Variants in PCDH15 observed in about 807,000 individuals in gnomAD.
The protein encoded by PCDH15 is protocadherin related 15.
PCDH15 carries 129 observed loss-of-function variants against 178.5 expected under a neutral mutation model. The ratio of observed to expected loss-of-function variants is 0.72; its 90% CI spans 0.63 to 0.84. PCDH15 has a LOEUF of 0.84. Among genes scored for constraint, PCDH15 ranks in the 40% least tolerant of loss-of-function variants. The probability of loss-of-function intolerance (pLI) is 0.00; values close to 1 mark genes in which losing one functional copy is unlikely to be tolerated. For missense variants in PCDH15, 2,230 were observed against 2,099.9 expected, an observed-to-expected ratio of 1.06 and a Z score of -1.21; for synonymous variants, 800 against 732.0, an observed-to-expected ratio of 1.09 and a Z score of -1.50.
chr10:54,205,480 T>TG (rs1264053484), intron 10 of PCDH15, among the ~76,000 whole-genome samples: 20 of 137,558 alleles, frequency 1.5e-4, no homozygotes, highest in South Asian at 7.1e-4. Context: ...TTATATTTCC[T>TG]TTGTGTGTGT....
At chr10:55,229,186 T>C (rs974271869) in intron 1 of PCDH15, among the ~76,000 whole-genome samples, 6 of 151,810 alleles carry the variant, frequency 4.0e-5, no homozygotes, top group Non-Finnish European at 5.9e-5. Flanking sequence ...TTTTATAGTA[T>C]GGGATAAGCA....
chr10:54,769,724 G>T (rs1442490149), intron 1 of PCDH15, among the ~76,000 whole-genome samples: 2 of 152,018 alleles, frequency 1.3e-5, no homozygotes, highest in Non-Finnish European at 2.9e-5. Context: ...GTGCCTGAGG[G>T]TCAGCAGTCC....
intron 3 of PCDH15, among the ~76,000 whole-genome samples, chr10:54,394,628 G>A (rs1308801695): frequency 6.6e-6 from 1 of 152,096 alleles, no homozygotes; most frequent in East Asian, 1.9e-4. Flanking sequence ...TGAAGTTTCG[G>A]GCACCATTGT....
At chr10:54,703,243 C>T (rs117128680) in intron 1 of PCDH15, among the ~76,000 whole-genome samples, 1,576 of 151,904 alleles carry the variant, frequency 0.01, 27 homozygotes, top group East Asian at 0.054. Context: ...TAGTAAGAGC[C>T]GTCTATGACA....
intron 2 of PCDH15, among the ~76,000 whole-genome samples, chr10:55,037,157 T>C (rs1336339301): frequency 6.6e-6 from 1 of 152,258 alleles, no homozygotes; most frequent in South Asian, 2.1e-4. Context: ...CCCCTCCCAA[T>C]AGAAAGAAGA....
At chr10:55,533,477 A>T (rs974483975) in intron 2 of PCDH15, among the ~76,000 whole-genome samples, 1 of 150,322 alleles carries the variant, frequency 6.7e-6, no homozygotes, top group Non-Finnish European at 1.5e-5. Flanking sequence ...CTCATTTACA[A>T]TAGCCGCAAA....
intron 2 of PCDH15, among the ~76,000 whole-genome samples, chr10:55,507,604 T>C (rs1004964856): frequency 4.6e-5 from 7 of 151,600 alleles, no homozygotes; most frequent in African/African-American, 1.7e-4. Flanking sequence ...TCGCCCAAGC[T>C]GGAGTGCAAT....
rs113508597 is a variant in PCDH15, at chr10:55,414,770, G to T, written c.-156+212855C>A. Among the ~76,000 whole-genome samples the T allele has an allele frequency of 8.0e-3, 1,173 of 146,952 alleles. 17 individuals are homozygous for T. Among genetic ancestry groups the T allele is most frequent in the African/African-American group, 0.028 (1,114 of 40,030 alleles). ...AATTCATATATTATTTCTAACAAGG[G>T]GTGTGTGTGTGTGTGTGTGTGTGTG... is the stretch of plus-strand genomic sequence containing the variant. On this transcript the variant is annotated intron_variant, in intron 2 of 5. Transcript: ENST00000613346.
At position 55,153,645 on chromosome 10, in the gene PCDH15, T is replaced by C. The variant is rs1367795800; in HGVS notation, c.-80+12931A>G. Among the ~76,000 whole-genome samples the C allele has an allele frequency of 2.0e-5, 3 of 152,294 alleles. No homozygotes were observed. The East Asian group carries it at 5.8e-4, about 29-fold the overall frequency. On this transcript the variant is annotated intron_variant, in intron 2 of 5. Coordinates refer to the PCDH15 transcript ENST00000458638. ...GGCGGCCTTGTGCTAAACTCCCCTT[T>C]ACTTGTTCACTACCTTCATAGGTTT...
intron 2 of PCDH15, among the ~76,000 whole-genome samples, chr10:55,424,775 G>A (rs1838710924): frequency 1.3e-5 from 2 of 152,092 alleles, no homozygotes; most frequent in Non-Finnish European, 2.9e-5. Flanking sequence ...CTCACTCTGA[G>A]GGAATAGTTT....
chr10:54,175,780 T>C (rs776893188), intron 13 of PCDH15, among the ~76,000 whole-genome samples: 1 of 152,210 alleles, frequency 6.6e-6, no homozygotes, highest in African/African-American at 2.4e-5. Flanking sequence ...TCTGTCATTA[T>C]ATTAACTCAC....
At chr10:54,054,388 G>A (rs2093839379) in intron 18 of PCDH15, among the ~76,000 whole-genome samples, 1 of 152,084 alleles carries the variant, frequency 6.6e-6, no homozygotes, top group African/African-American at 2.4e-5. Flanking sequence ...CTAGCAGCAA[G>A]CAGGTAGTAG....
chr10:54,963,398 A>G (rs1838706717), intron 2 of PCDH15, among the ~76,000 whole-genome samples: 1 of 151,878 alleles, frequency 6.6e-6, no homozygotes, highest in South Asian at 2.1e-4. Flanking sequence ...CCACATTCTC[A>G]CTAAAATATC....
chr10:55,000,556 C>T (rs1157153843), intron 2 of PCDH15, among the ~76,000 whole-genome samples: 1 of 152,126 alleles, frequency 6.6e-6, no homozygotes, highest in South Asian at 2.1e-4. Flanking sequence ...TCCTCCTCAG[C>T]TTATGAAAAT....
At chr10:54,901,671 T>C (rs1385169800) in intron 2 of PCDH15, among the ~76,000 whole-genome samples, 2 of 152,138 alleles carry the variant, frequency 1.3e-5, no homozygotes, top group Non-Finnish European at 2.9e-5. Flanking sequence ...ATGTAGTCCT[T>C]ACATGACTCA....
chr10:54,613,710 GAA>G (rs1184839485), intron 2 of PCDH15, among the ~76,000 whole-genome samples: 1 of 151,518 alleles, frequency 6.6e-6, no homozygotes, highest in Non-Finnish European at 1.5e-5. Flanking sequence ...ATTAAAAGGG[GAA>G]AAGATTGGCA....
intron 26 of PCDH15, among the ~76,000 whole-genome samples, chr10:53,902,464 A>T (rs2082395159): frequency 1.3e-5 from 2 of 152,136 alleles, no homozygotes; most frequent in Non-Finnish European, 1.5e-5. Flanking sequence ...AGCTATTTAC[A>T]AGTTAACCAT....
upstream of PCDH15, among the ~76,000 whole-genome samples, chr10:55,324,189 A>G (rs1306285003): frequency 6.6e-6 from 1 of 152,086 alleles, no homozygotes; most frequent in Admixed American, 6.6e-5. Flanking sequence ...TTTCCTTTAC[A>G]AGTTACCCAG....
chr10:54,685,612 C>T (rs1032958626), intron 1 of PCDH15, among the ~76,000 whole-genome samples: 7 of 152,124 alleles, frequency 4.6e-5, no homozygotes, highest in African/African-American at 1.7e-4. Context: ...TACAAATGTA[C>T]AGATGCTCAT....
Sources: gnomAD v4.1 joint callset for allele counts (sites outside exome capture counted in the v4.1 genomes callset) on GRCh38, gnomAD v4.1.1 for gene constraint, MANE v1.5 for transcripts, NCBI Gene and HGNC (gene_info 2026-07-23, HGNC 2026-07-21) for gene names.